Variants in PSD3 observed in about 807,000 individuals in gnomAD.
PSD3 encodes pleckstrin and Sec7 domain containing 3, also known as PH and SEC7 domain-containing protein 3.
In PSD3, 49 loss-of-function variants were observed where a neutral mutation model predicts 105.5. The observed-to-expected ratio is 0.46, with a 90% CI of 0.37 to 0.59. The LOEUF (loss-of-function observed/expected upper bound fraction) is 0.59, where lower values mean the gene tolerates loss of function less well. Ranked by LOEUF, PSD3 falls within the 20% of genes least tolerant of loss-of-function variation. PSD3 has a pLI of 0.00. For synonymous variants in PSD3, 557 were observed against 457.8 expected (o/e 1.22, Z -2.77); for missense variants, 1,561 against 1,263.8 (o/e 1.24, Z -3.57).
chr8:18,893,440 C>T (rs901884054), intron 2 of PSD3, among the ~76,000 whole-genome samples: 31 of 152,332 alleles, frequency 2.0e-4, no homozygotes, highest in African/African-American at 7.2e-4. Context: ...GAGTTGATTT[C>T]CAGCTAGCCT....
rs1586695439 is a variant in PSD3 at position 19,073,370 on chromosome 8, G to C, written c.324+10836C>G. Among the ~76,000 whole-genome samples, 3 of 151,934 alleles carry C rather than the reference G, an allele frequency of 2.0e-5. No individual in the cohort carries two copies. The East Asian group carries it at 5.8e-4, about 30-fold the overall frequency. Reference sequence around the variant, plus strand: ...GTTTGAGACCAGCCTGGCCAAAATGGAGAAAGCCCATCTCTACCAATAATA... The same window carrying C: ...GTTTGAGACCAGCCTGGCCAAAATGCAGAAAGCCCATCTCTACCAATAATA... On this transcript the variant is annotated intron_variant, in intron 1 of 1. Coordinates refer to the PSD3 transcript ENST00000521475.
At chr8:18,693,630 C>T (rs1054727296) in intron 9 of PSD3, among the ~76,000 whole-genome samples, 1 of 152,214 alleles carries the variant, frequency 6.6e-6, no homozygotes, top group African/African-American at 2.4e-5. Flanking sequence ...GGCGTAAAGA[C>T]TCAGAGTCGG....
intron 2 of PSD3, among the ~76,000 whole-genome samples, chr8:18,876,680 A>C (rs1817754461): frequency 1.3e-5 from 2 of 152,168 alleles, no homozygotes; most frequent in African/African-American, 4.8e-5. Flanking sequence ...CATTACAGAC[A>C]TGAACCACCG....
Position 18,581,077 on chromosome 8 carries a change from G to A in PSD3, c.2482-5792C>T, listed in dbSNP as rs1456595898. ...ACTGAGAGAGAAACTCTGAAGCTTT[G>A]TGATAGCAAAGGCTTGTCAAAGCAC... On this transcript the variant is annotated intron_variant, in intron 12 of 15. Coordinates refer to ENST00000327040, the MANE Select transcript of PSD3 (RefSeq NM_015310.4). 3.3e-5 allele frequency among the ~76,000 whole-genome samples: 5 copies of A among 152,176 alleles called. No individual in the cohort carries two copies. In the East Asian group the frequency reaches 7.7e-4, roughly 23 times the overall value.
At chr8:19,004,020 A>T (rs1826538419) in intron 1 of PSD3, among the ~76,000 whole-genome samples, 1 of 152,054 alleles carries the variant, frequency 6.6e-6, no homozygotes, top group Non-Finnish European at 1.5e-5. Flanking sequence ...ACTGTACCAG[A>T]ATCTTCAGGC....
chr8:19,082,684 G>A (rs1447769272), intron 1 of PSD3, among the ~76,000 whole-genome samples: 4 of 152,188 alleles, frequency 2.6e-5, no homozygotes, highest in Non-Finnish European at 4.4e-5. Context: ...CTTATCCCCC[G>A]AAGGCGGGAG....
intron 6 of PSD3, among the ~76,000 whole-genome samples, chr8:18,803,931 T>C (rs1296758719): frequency 6.8e-6 from 1 of 146,966 alleles, no homozygotes. Context: ...AGATGAAAGA[T>C]TTTATGCTAT....
chr8:18,897,347 TC>T (rs556012677), intron 2 of PSD3, among the ~76,000 whole-genome samples: 2 of 152,318 alleles, frequency 1.3e-5, no homozygotes, highest in South Asian at 2.1e-4. Context: ...TTTTCTGGGT[TC>T]TATATTCTGT....
intron 2 of PSD3, among the ~76,000 whole-genome samples, chr8:18,933,598 G>C (rs536780408): frequency 4.2e-4 from 64 of 152,260 alleles, no homozygotes; most frequent in African/African-American, 1.4e-3. Flanking sequence ...CTCCCGAGTA[G>C]CTAGAATTAC....
At chr8:19,008,717 C>T (rs7010324) in intron 1 of PSD3, among the ~76,000 whole-genome samples, 17,389 of 152,172 alleles carry the variant, frequency 0.11, 1,222 homozygotes, top group African/African-American at 0.19. Context: ...ACAGACCAAA[C>T]AGGCATAAGA....
At chr8:18,738,818 G>A (rs1455035871) in intron 9 of PSD3, among the ~76,000 whole-genome samples, 4 of 150,234 alleles carry the variant, frequency 2.7e-5, no homozygotes, top group Non-Finnish European at 5.9e-5. Context: ...TACCACACCC[G>A]CTCCGAAAAA....
chr8:19,039,789 T>C (rs1828062259), intron 1 of PSD3, among the ~76,000 whole-genome samples: 1 of 152,204 alleles, frequency 6.6e-6, no homozygotes, highest in Non-Finnish European at 1.5e-5. Flanking sequence ...CAGAATACCC[T>C]ACTATGCAAC....
intron 14 of PSD3, among the ~76,000 whole-genome samples, chr8:18,561,975 C>T (rs1801418728): frequency 3.3e-5 from 5 of 151,944 alleles, no homozygotes; most frequent in Admixed American, 3.3e-4. Context: ...TTACATAGTA[C>T]TTATCATGGA....
chr8:18,735,140 C>A (rs1185607627), intron 9 of PSD3, among the ~76,000 whole-genome samples: 1 of 152,098 alleles, frequency 6.6e-6, no homozygotes, highest in Non-Finnish European at 1.5e-5. Context: ...AGGGAATAAT[C>A]ACCAAAAATC....
intron 1 of PSD3, among the ~76,000 whole-genome samples, chr8:18,988,701 T>C (rs1014781881): frequency 1.3e-5 from 2 of 152,262 alleles, no homozygotes; most frequent in East Asian, 3.9e-4. Flanking sequence ...GTTTAAAAAG[T>C]GTTGATTTGA....
At chr8:18,930,537 G>A (rs977327158) in intron 2 of PSD3, among the ~76,000 whole-genome samples, 1 of 151,052 alleles carries the variant, frequency 6.6e-6, no homozygotes, top group Non-Finnish European at 1.5e-5. Flanking sequence ...GGTACAGAAC[G>A]TATATCTTTA....
At chr8:18,847,290 A>C (rs17383616) in intron 4 of PSD3, among the ~76,000 whole-genome samples, 56,319 of 151,968 alleles carry the variant, frequency 0.37, 12,024 homozygotes, top group Middle Eastern at 0.48. Flanking sequence ...CAAAGTAAAT[A>C]TCTCCCATCA....
At chr8:18,979,170 T>TG (rs140513415) in intron 1 of PSD3, among the ~76,000 whole-genome samples, 16,626 of 151,392 alleles carry the variant, frequency 0.11, 1,162 homozygotes, top group Non-Finnish European at 0.16. Flanking sequence ...ACCAAGACAC[T>TG]GGGGGGCGGC....
chr8:18,851,294 A>G (rs899807308), intron 4 of PSD3, among the ~76,000 whole-genome samples: 1 of 152,224 alleles, frequency 6.6e-6, no homozygotes, highest in Non-Finnish European at 1.5e-5. Flanking sequence ...AGTTGAGCCT[A>G]CATCTTCCAA....
Sources: allele counts gnomAD v4.1 joint callset (sites outside exome capture counted in the v4.1 genomes callset), GRCh38; gene constraint gnomAD v4.1.1; transcripts MANE v1.5; gene names NCBI Gene and HGNC (gene_info 2026-07-23, HGNC 2026-07-21).